PLCXD3: variants seen among roughly 807,000 people sequenced by gnomAD.
PLCXD3 encodes phosphatidylinositol specific phospholipase C X domain containing 3, also known as PI-PLC X domain-containing protein 3.
A neutral mutation model predicts 25.5 loss-of-function variants in PLCXD3; 19 were observed. The observed-to-expected ratio is 0.75, with a 90% CI of 0.52 to 1.09. The LOEUF (loss-of-function observed/expected upper bound fraction) is 1.09, where lower values mean the gene tolerates loss of function less well. PLCXD3 is among the 50% of genes least tolerant of loss of function. The pLI, the probability that PLCXD3 is intolerant of heterozygous loss-of-function variation, is 0.00. For missense variants in PLCXD3, 411 were observed against 388.1 expected, an observed-to-expected ratio of 1.06 and a Z score of -0.50; for synonymous variants, 174 against 137.6, an observed-to-expected ratio of 1.26 and a Z score of -1.85.
rs1453879842 is a variant in PLCXD3, at chr5:41,457,723, G to A, written c.103+52701C>T. ...TTTGAAACTTTCCCATGGGACTAGG[G>A]TTCTTAAAGCTGATGAGGTACATGA... On this transcript the variant is annotated intron_variant, in intron 1 of 2. Transcript: ENST00000377801. Among the ~76,000 whole-genome samples the A allele has an allele frequency of 3.3e-5, 5 of 151,990 alleles. No homozygotes were observed. The East Asian group carries it at 9.7e-4, about 29-fold the overall frequency.
intron 1 of PLCXD3, among the ~76,000 whole-genome samples, chr5:41,501,598 A>C (rs1398025878): frequency 6.6e-6 from 1 of 152,048 alleles, no homozygotes; most frequent in Admixed American, 6.6e-5. Flanking sequence ...AAGATGAAAA[A>C]GTTCTAGAGG....
chr5:41,435,248 G>A (rs1426718717), intron 1 of PLCXD3, among the ~76,000 whole-genome samples: 1 of 152,138 alleles, frequency 6.6e-6, no homozygotes, highest in Non-Finnish European at 1.5e-5. Context: ...TTATGAAGAT[G>A]GTGGAGGCCA....
intron 2 of PLCXD3, among the ~76,000 whole-genome samples, chr5:41,359,526 A>C (rs1405959048): frequency 1.3e-5 from 2 of 152,198 alleles, no homozygotes; most frequent in Non-Finnish European, 2.9e-5. Flanking sequence ...TGTTCATAGT[A>C]ACCTTAAATA....
At chr5:41,327,234 A>T (rs1270967301) in intron 2 of PLCXD3, among the ~76,000 whole-genome samples, 1 of 152,132 alleles carries the variant, frequency 6.6e-6, no homozygotes, top group Non-Finnish European at 1.5e-5. Context: ...GGGACTAGAG[A>T]GCAGGGGCCC....
At chr5:41,354,027 T>C in intron 2 of PLCXD3, among the ~76,000 whole-genome samples, 1 of 152,182 alleles carries the variant, frequency 6.6e-6, no homozygotes, top group East Asian at 1.9e-4. Context: ...CCTCTAGACT[T>C]TTTTCTATTT....
intron 2 of PLCXD3, among the ~76,000 whole-genome samples, chr5:41,369,686 C>T (rs1331355612): frequency 6.6e-6 from 1 of 152,104 alleles, no homozygotes; most frequent in Non-Finnish European, 1.5e-5. Context: ...ACCATGTTGG[C>T]CATGCTGGTC....
chr5:41,350,218 C>T (rs1014160583), intron 2 of PLCXD3, among the ~76,000 whole-genome samples: 11 of 152,100 alleles, frequency 7.2e-5, no homozygotes, highest in Admixed American at 4.6e-4. Flanking sequence ...TTTTAAATTC[C>T]GTCCTCTGTT....
At chr5:41,476,880 T>C (rs771056726) in intron 1 of PLCXD3, among the ~76,000 whole-genome samples, 29 of 152,224 alleles carry the variant, frequency 1.9e-4, no homozygotes, top group Admixed American at 3.9e-4. Flanking sequence ...AAGGCTTTTA[T>C]AGGCGTCAAG....
intron 2 of PLCXD3, among the ~76,000 whole-genome samples, chr5:41,364,853 T>C (rs1449252995): frequency 6.6e-6 from 1 of 152,216 alleles, no homozygotes; most frequent in East Asian, 1.9e-4. Flanking sequence ...CTTTTGATAA[T>C]CAAGGAATGT....
At position 41,430,930 on chromosome 5, in the gene PLCXD3, A is replaced by G. The variant is rs543902348; in HGVS notation, c.104-48396T>C. On this transcript the variant is annotated intron_variant, in intron 1 of 2. Transcript: ENST00000377801. ...AATGTTTCCATCTGCTGCTTAACCA[A>G]ACTAATTTGGAAAAGTATTCTTTCC... Among the ~76,000 whole-genome samples the G allele has an allele frequency of 5.3e-5, 8 of 152,304 alleles. No homozygotes were observed. The East Asian group carries it at 7.7e-4, about 15-fold the overall frequency.
At chr5:41,451,063 G>T (rs765499735) in intron 1 of PLCXD3, among the ~76,000 whole-genome samples, 13 of 151,930 alleles carry the variant, frequency 8.6e-5, no homozygotes, top group Non-Finnish European at 1.6e-4. Context: ...AGTTTCCCCT[G>T]GTGTATGTGT....
At chr5:41,416,122 C>T (rs1237760464) in intron 1 of PLCXD3, among the ~76,000 whole-genome samples, 2 of 152,174 alleles carry the variant, frequency 1.3e-5, no homozygotes, top group South Asian at 2.1e-4. Flanking sequence ...ATCACTTTTC[C>T]ATATCCACTC....
At chr5:41,403,158 C>T (rs1244586422) in intron 1 of PLCXD3, among the ~76,000 whole-genome samples, 1 of 151,822 alleles carries the variant, frequency 6.6e-6, no homozygotes, top group Non-Finnish European at 1.5e-5. Flanking sequence ...AGACTCTCTA[C>T]CTTTGGCTTT....
At chr5:41,364,293 C>A (rs1310566708) in intron 2 of PLCXD3, among the ~76,000 whole-genome samples, 1 of 152,172 alleles carries the variant, frequency 6.6e-6, no homozygotes, top group Non-Finnish European at 1.5e-5. Flanking sequence ...TAAGAATTCT[C>A]ACCCTCAGTC....
At chr5:41,459,507 T>C (rs1428559022) in intron 1 of PLCXD3, among the ~76,000 whole-genome samples, 1 of 151,874 alleles carries the variant, frequency 6.6e-6, no homozygotes, top group East Asian at 1.9e-4. Context: ...GATTTGTACA[T>C]TCATGTGACA....
chr5:41,435,450 A>G (rs905298991), intron 1 of PLCXD3, among the ~76,000 whole-genome samples: 2 of 152,196 alleles, frequency 1.3e-5, no homozygotes, highest in African/African-American at 4.8e-5. Flanking sequence ...AGGTTCACGG[A>G]GCACCACCCA....
chr5:41,478,503 A>G (rs1388354716), intron 1 of PLCXD3, among the ~76,000 whole-genome samples: 1 of 152,246 alleles, frequency 6.6e-6, no homozygotes, highest in Non-Finnish European at 1.5e-5. Flanking sequence ...AGTTGAAAGT[A>G]TATGAAATAG....
chr5:41,415,382 T>C (rs1746670289), intron 1 of PLCXD3, among the ~76,000 whole-genome samples: 1 of 152,212 alleles, frequency 6.6e-6, no homozygotes, highest in East Asian at 1.9e-4. Flanking sequence ...GCAAATACTC[T>C]GTGTGCTCTT....
chr5:41,321,395 T>C (rs1286333676), intron 2 of PLCXD3, among the ~76,000 whole-genome samples: 3 of 151,910 alleles, frequency 2.0e-5, no homozygotes, highest in Admixed American at 6.6e-5. Flanking sequence ...GTGAAAGAGC[T>C]CTATAATGAA....
Sources: gnomAD v4.1 joint callset for allele counts (sites outside exome capture counted in the v4.1 genomes callset) on GRCh38, gnomAD v4.1.1 for gene constraint, MANE v1.5 for transcripts, NCBI Gene and HGNC (gene_info 2026-07-23, HGNC 2026-07-21) for gene names.